ATP7A: variants seen among roughly 807,000 people sequenced by gnomAD.
ATP7A encodes copper-transporting ATPase 1.
ATP7A carries 7 observed loss-of-function variants against 83.5 expected under a neutral mutation model. That is an observed-to-expected ratio of 0.08 (90% confidence interval 0.05 to 0.16). The LOEUF is 0.16. Among genes scored for constraint, ATP7A ranks in the 10% least tolerant of loss-of-function variants. The pLI, the probability that ATP7A is intolerant of heterozygous loss-of-function variation, is 1.00. For missense variants in ATP7A, 940 were observed against 1,120.8 expected, an observed-to-expected ratio of 0.84 and a Z score of 2.30; for synonymous variants, 354 against 395.2, an observed-to-expected ratio of 0.90 and a Z score of 1.24.
chrX:77,940,429 C>A (rs1210092923), intron 1 of ATP7A, among the ~76,000 whole-genome samples: 1 of 110,297 alleles, frequency 9.1e-6, no homozygotes, highest in African/African-American at 3.3e-5. Context: ...TTGGGACAAT[C>A]AGTTAATGAT....
chrX:77,945,498 T>TA (rs782325538), intron 1 of ATP7A, among the ~76,000 whole-genome samples: 2 of 112,250 alleles, frequency 1.8e-5, no homozygotes, highest in Admixed American at 9.5e-5. Flanking sequence ...ATCTTTGACT[T>TA]TATAAATCTT....
Position 77,998,566 on chromosome X carries a change from G to A in ATP7A, c.1425G>A (p.Met475Ile), listed in dbSNP as rs782058395. 4.1e-6 allele frequency: 5 copies of A among 1,211,603 alleles called. No individual in the cohort carries two copies. The Admixed American group carries it at 1.1e-4, about 26-fold the overall frequency. The change falls in exon 5 of 23, where the codon ATG becomes ATA. Residue 475 changes from methionine to isoleucine, a missense_variant. Met to Ile is a conservative substitution (Grantham distance 10). This residue lies in a region of ATP7A where 350 missense variants were observed against 432.8 expected (regional missense o/e 0.81). Transcript: ENST00000341514. The stretch of plus-strand genomic sequence containing the variant: ...CTAATGAATTTTATACTAAAGGGAT[G>A]ACACCAGTTCAAGACAAGGAGGAAG... ...TSTNEFYTKG[M>I]TPVQDKEEGK... is the part of the protein sequence containing the mutation.
chrX:78,004,935 G>T (rs2077763596), intron 6 of ATP7A, among the ~76,000 whole-genome samples: 1 of 111,102 alleles, frequency 9.0e-6, no homozygotes, highest in Non-Finnish European at 1.9e-5. Context: ...TAAATATTTA[G>T]CCAGGTGTGG....
rs781789555 is a variant in ATP7A at position 78,009,275 on chromosome X, G to C, written c.1869+12G>C. 1 of 1,202,237 alleles carries C rather than the reference G, an allele frequency of 8.3e-7. No individual in the cohort carries two copies. Among genetic ancestry groups the C allele is most frequent in the African/African-American group, 1.7e-5 (1 of 57,363 alleles). ...TCCATACAATTGAAGTAAGTGCCAA[G>C]AATTTATGTTTCTGTGTTCTTACCT... On this transcript the variant is annotated intron_variant, in intron 7 of 22. Transcript: ENST00000341514.
At chrX:78,025,721 G>A (rs1325695977) in intron 14 of ATP7A, among the ~76,000 whole-genome samples, 2 of 110,806 alleles carry the variant, frequency 1.8e-5, no homozygotes, top group African/African-American at 3.3e-5. Context: ...AAACCCATCA[G>A]GCTAACAGCA....
intron 2 of ATP7A, among the ~76,000 whole-genome samples, chrX:77,981,476 A>G (rs181957193): frequency 8.9e-6 from 1 of 112,065 alleles, no homozygotes; most frequent in East Asian, 2.8e-4. Flanking sequence ...TATAGCGAAC[A>G]ATCATACATT....
At chrX:77,956,362 A>C (rs1557227343) in intron 1 of ATP7A, among the ~76,000 whole-genome samples, 1 of 111,037 alleles carries the variant, frequency 9.0e-6, no homozygotes. Flanking sequence ...TGTGGTTTTC[A>C]TTTGCATTTT....
At chrX:77,953,245 A>G (rs1351189158) in intron 1 of ATP7A, among the ~76,000 whole-genome samples, 2 of 112,186 alleles carry the variant, frequency 1.8e-5, no homozygotes, top group East Asian at 2.8e-4. Context: ...CTTGATTTAG[A>G]CATAGATTGT....
At chrX:77,962,150 A>C (rs782453495) in intron 1 of ATP7A, among the ~76,000 whole-genome samples, 1 of 111,811 alleles carries the variant, frequency 8.9e-6, no homozygotes, top group South Asian at 3.7e-4. Context: ...ATTTGGGTAC[A>C]AGCGGTTGAA....
In ATP7A at chrX:78,018,492, GA is replaced by G. The variant is rs782018325; in HGVS notation, c.2627-1749del. On this transcript the variant is annotated intron_variant, in intron 12 of 22. Transcript: ENST00000341514. ...GCACTCCAGCCTGGGCAAGAAGTGC[GA>G]AACTCTGTTACAAAAACAAAAAACA... Among the ~76,000 whole-genome samples the G allele has an allele frequency of 5.4e-5, 6 of 111,185 alleles. No homozygotes were observed. In the East Asian group the frequency reaches 1.7e-3, roughly 32 times the overall value.
chrX:78,028,986 T>C (rs1557236658), intron 14 of ATP7A, among the ~76,000 whole-genome samples: 1 of 112,329 alleles, frequency 8.9e-6, no homozygotes, highest in Non-Finnish European at 1.9e-5. Context: ...TCTGAAAATT[T>C]CTAATAAAAA....
intron 1 of ATP7A, among the ~76,000 whole-genome samples, chrX:77,959,151 C>CT (rs1181094768): frequency 1.2e-4 from 13 of 110,048 alleles, no homozygotes; most frequent in African/African-American, 3.0e-4. Flanking sequence ...TCCTAAGTAT[C>CT]TTTTTTTTAT....
In ATP7A at chrX:77,989,482, A is replaced by G. The variant is rs1283120002; in HGVS notation, c.860A>G (p.His287Arg). ...GCCACTTTCATCATTGATGGCATGC[A>G]TTGTAAATCATGTGTGTCAAATATT... ...STATFIIDGMHCKSCVSNIES... is the reference protein window; with the variant it reads ...STATFIIDGMRCKSCVSNIES... The change falls in exon 4 of 23, where the codon CAT becomes CGT. Residue 287 changes from histidine to arginine, a missense_variant. Physicochemically the swap from His to Arg is conservative, Grantham distance 29 (BLOSUM62 0). Coordinates refer to ENST00000341514, the MANE Select transcript of ATP7A (RefSeq NM_000052.7). The G allele has an allele frequency of 8.3e-7, 1 of 1,211,627 alleles. No homozygotes were observed. Among genetic ancestry groups the G allele is most frequent in the Non-Finnish European group, 1.1e-6 (1 of 895,300 alleles).
intron 1 of ATP7A, among the ~76,000 whole-genome samples, chrX:77,928,253 A>T (rs1381894549): frequency 1.8e-5 from 2 of 111,689 alleles, no homozygotes; most frequent in Non-Finnish European, 3.8e-5. Context: ...AGTTTATACT[A>T]CCATCAGCAG....
intron 1 of ATP7A, among the ~76,000 whole-genome samples, chrX:77,951,902 T>C (rs1557226842): frequency 8.9e-6 from 1 of 111,863 alleles, no homozygotes; most frequent in African/African-American, 3.2e-5. Flanking sequence ...TAATAGACAA[T>C]TTTTTAGAGT....
intron 1 of ATP7A, among the ~76,000 whole-genome samples, chrX:77,913,435 G>A (rs1263431518): frequency 3.6e-5 from 4 of 111,419 alleles, no homozygotes; most frequent in African/African-American, 1.3e-4. Context: ...ACAGATGAGT[G>A]ATAGGCAATG....
chrX:77,970,293 G>T (rs1398710749), intron 1 of ATP7A, among the ~76,000 whole-genome samples: 3 of 111,794 alleles, frequency 2.7e-5, no homozygotes, highest in African/African-American at 6.5e-5. Flanking sequence ...AAAACACAAT[G>T]CTTTTTTCTC....
In ATP7A at chrX:78,015,694, T is replaced by C. The variant is rs988512313; in HGVS notation, c.2499-60T>C. On this transcript the variant is annotated intron_variant, in intron 11 of 22. Coordinates refer to ENST00000341514, the MANE Select transcript of ATP7A (RefSeq NM_000052.7). ...CTTGACGTGAACTAAAGAGCTTACA[T>C]GGAGAGGTCAGGGTAGGAAGCATAT... is the stretch of plus-strand genomic sequence containing the variant. 28 of 1,195,021 alleles carry C rather than the reference T, an allele frequency of 2.3e-5. No individual in the cohort carries two copies. In the African/African-American group the frequency reaches 4.0e-4, roughly 17 times the overall value.
chrX:77,989,315 T>A lies in ATP7A; in HGVS notation c.693T>A (p.Ala231=), dbSNP rs1386741285. The A allele has an allele frequency of 1.7e-6, 2 of 1,209,622 alleles. No homozygotes were observed. The highest frequency in any genetic ancestry group is 3.5e-5 in the African/African-American group (2 of 57,110). The change falls in exon 4 of 23, where the codon GCT becomes GCA. Residue 231 remains alanine, a synonymous_variant. Coordinates refer to ENST00000341514, the MANE Select transcript of ATP7A (RefSeq NM_000052.7). ...AGGAAATGAAAAAGCAGATTGAAGC[T>A]ATGGGCTTTCCAGCATTTGTCAAAA... ...SVEEMKKQIE[A]MGFPAFVKKQ... is the part of the protein sequence containing the mutation.
Sources: gnomAD v4.1 joint callset for allele counts (sites outside exome capture counted in the v4.1 genomes callset) on GRCh38, gnomAD v4.1.1 for gene constraint, gnomAD v4.1.1 regional missense constraint, MANE v1.5 for transcripts, NCBI Gene and HGNC (gene_info 2026-07-23, HGNC 2026-07-21) for gene names.